The following CD200 variants were observed in gnomAD, a reference collection of about 807,000 sequenced individuals.
CD200 encodes the protein OX-2 membrane glycoprotein.
A neutral mutation model predicts 30.9 loss-of-function variants in CD200; 15 were observed. That is an observed-to-expected ratio of 0.49 (90% CI 0.32 to 0.75). The LOEUF (loss-of-function observed/expected upper bound fraction) is 0.75, where lower values mean the gene tolerates loss of function less well. CD200 is among the 30% of genes least tolerant of loss of function. The probability of loss-of-function intolerance (pLI) is 0.03; values close to 1 mark genes in which losing one functional copy is unlikely to be tolerated. For missense variants in CD200, 262 were observed against 324.2 expected, an observed-to-expected ratio of 0.81 and a Z score of 1.47; for synonymous variants, 134 against 126.2, an observed-to-expected ratio of 1.06 and a Z score of -0.41.
chr3:112,351,164 T>C (rs2081524027), intron 5 of CD200, among the ~76,000 whole-genome samples: 1 of 152,302 alleles, frequency 6.6e-6, no homozygotes, highest in Non-Finnish European at 1.5e-5. Context: ...TCCATAAGTT[T>C]ATACAGCTTC....
At chr3:112,360,333 A>AAAAAAAATATAT (rs879786648) in intron 5 of CD200, among the ~76,000 whole-genome samples, 39 of 141,284 alleles carry the variant, frequency 2.8e-4, no homozygotes, top group African/African-American at 9.6e-4. Context: ...ATCTAAAAAA[A>AAAAAAAATATAT]ATATATATAT....
chr3:112,350,072 T>G, intron 5 of CD200: 1 of 681,176 alleles, frequency 1.5e-6, no homozygotes, highest in Non-Finnish European at 1.8e-6. Context: ...ACAATGGTGA[T>G]AGAACCAAAG....
Position 112,336,132 on chromosome 3 carries a change from G to T in CD200, c.12+2908G>T. The T allele has an allele frequency of 2.7e-6, 2 of 739,166 alleles. 1 individual carries two copies. The highest frequency in any genetic ancestry group is 3.2e-5 in the South Asian group (2 of 62,828). 45.8% of individuals were successfully genotyped at this position (739,166 alleles called of 1,614,324 possible). A position where few individuals can be genotyped will look rare whatever the true frequency, so the allele number is the denominator to read the frequency against. On this transcript the variant is annotated intron_variant, in intron 1 of 5. Transcript: ENST00000315711. ...TGTGAAACACCTGTTATTTGGAATT[G>T]GTTTGGTACTTCCTCTTGAAATTTC...
intron 4 of CD200, among the ~76,000 whole-genome samples, chr3:112,348,318 C>T (rs140233598): frequency 1.2e-4 from 19 of 152,266 alleles, no homozygotes; most frequent in African/African-American, 4.3e-4. Context: ...TGGAAGGTTT[C>T]CTGGAAGAAG....
chr3:112,342,575 A>G (rs1257394375), intron 2 of CD200, among the ~76,000 whole-genome samples: 2 of 151,698 alleles, frequency 1.3e-5, no homozygotes, highest in Non-Finnish European at 2.9e-5. Context: ...GGTGCCCACC[A>G]CCACGCCTGG....
At chr3:112,350,704 G>T (rs2081513169) in intron 5 of CD200, among the ~76,000 whole-genome samples, 1 of 152,228 alleles carries the variant, frequency 6.6e-6, no homozygotes, top group African/African-American at 2.4e-5. Context: ...ATGACTGAAG[G>T]ATAGGGGTCA....
chr3:112,349,605 C>T, intron 4 of CD200, 107 bp from the exon 5 acceptor site: 1 of 731,428 alleles, frequency 1.4e-6, no homozygotes, highest in Non-Finnish European at 2.1e-6. Context: ...TATAAACCTA[C>T]ATATGTATGT....
intron 5 of CD200, among the ~76,000 whole-genome samples, chr3:112,361,262 T>A (rs556404779): frequency 6.6e-6 from 1 of 152,070 alleles, no homozygotes; most frequent in East Asian, 1.9e-4. Flanking sequence ...CCCAGACTGG[T>A]CTTGAACTTC....
chr3:112,354,928 C>T (rs1395495557), intron 5 of CD200, among the ~76,000 whole-genome samples: 4 of 152,212 alleles, frequency 2.6e-5, no homozygotes, highest in Non-Finnish European at 4.4e-5. Context: ...CTGAATCACT[C>T]TAAATCTGAA....
chr3:112,348,754 A>G (rs1032842219), intron 4 of CD200, among the ~76,000 whole-genome samples: 10 of 152,160 alleles, frequency 6.6e-5, no homozygotes, highest in Non-Finnish European at 1.5e-4. Flanking sequence ...GAAATTGGAT[A>G]TTTAGGTAAA....
intron 1 of CD200, among the ~76,000 whole-genome samples, chr3:112,340,159 C>G (rs545066451): frequency 6.6e-6 from 1 of 152,258 alleles, no homozygotes; most frequent in East Asian, 1.9e-4. Flanking sequence ...GAAAAAGTTA[C>G]ATTTCTTTCC....
intron 4 of CD200, 56 bp from the exon 5 acceptor site, chr3:112,349,656 C>T (rs73227426): frequency 0.057 from 85,059 of 1,485,090 alleles, 2,814 homozygotes; most frequent in Non-Finnish European, 0.065. Flanking sequence ...CTCTTTTTGC[C>T]TCAACAATTT....
chr3:112,351,914 C>G (rs1437509615), intron 5 of CD200, among the ~76,000 whole-genome samples: 1 of 152,066 alleles, frequency 6.6e-6, no homozygotes, highest in Admixed American at 6.6e-5. Context: ...GAGGGTGCTG[C>G]CAGGCTGTTT....
chr3:112,355,428 G>C lies in CD200; in HGVS notation c.802+5609G>C, dbSNP rs2081606668. Among the ~76,000 whole-genome samples, 3 of 151,710 alleles carry C rather than the reference G, an allele frequency of 2.0e-5. No individual in the cohort carries two copies. The South Asian group carries it at 6.2e-4, about 32-fold the overall frequency. On this transcript the variant is annotated intron_variant, in intron 5 of 5. Transcript: ENST00000315711. ...GAATCTCAGTTCTTGCATATTTCCTGCTTCTCCCTATTCCTACCTTTTCAT... is the reference window on the plus strand; with the variant it reads ...GAATCTCAGTTCTTGCATATTTCCTCCTTCTCCCTATTCCTACCTTTTCAT...
At chr3:112,360,065 T>G (rs2081707419) in intron 5 of CD200, among the ~76,000 whole-genome samples, 1 of 152,162 alleles carries the variant, frequency 6.6e-6, no homozygotes, top group South Asian at 2.1e-4. Context: ...CGGTGGCACA[T>G]GTCTGTAATC....
intron 5 of CD200, among the ~76,000 whole-genome samples, chr3:112,352,602 C>T (rs904099519): frequency 2.0e-5 from 3 of 151,720 alleles, no homozygotes; most frequent in Non-Finnish European, 4.4e-5. Flanking sequence ...AGGAGACAGA[C>T]GAATAAGTTT....
intron 1 of CD200, among the ~76,000 whole-genome samples, chr3:112,335,311 G>C (rs1036582625): frequency 5.3e-5 from 8 of 152,128 alleles, no homozygotes; most frequent in Admixed American, 1.3e-4. Context: ...GAACCATCTT[G>C]GGTTTCTCAA....
rs757924645 is a variant in CD200, at chr3:112,335,144, A to G, written c.12+1920A>G. On this transcript the variant is annotated intron_variant, in intron 1 of 5. Coordinates refer to ENST00000315711, the MANE Select transcript of CD200 (RefSeq NM_005944.7). ...GCCTGATTTTTTCTGACTTTCCTAG[A>G]TAATTAGATAGGATGGAACAGTCTC... Among the ~76,000 whole-genome samples the G allele has an allele frequency of 5.3e-5, 8 of 152,200 alleles. No individual in the cohort carries two copies. In the East Asian group the frequency reaches 5.8e-4, roughly 11 times the overall value.
At chr3:112,335,929 A>T (rs201119808) in intron 1 of CD200, 11 of 1,589,892 alleles carry the variant, frequency 6.9e-6, no homozygotes, top group Non-Finnish European at 9.5e-6. Context: ...CATCTCATTG[A>T]TCTCAAACCA....
Sources: allele counts gnomAD v4.1 joint callset (sites outside exome capture counted in the v4.1 genomes callset), GRCh38; gene constraint gnomAD v4.1.1; transcripts MANE v1.5; gene names NCBI Gene and HGNC (gene_info 2026-07-23, HGNC 2026-07-21).